Variants in UNC13B observed in about 807,000 individuals in gnomAD.
UNC13B encodes protein unc-13 homolog B.
Under a neutral mutation model 211.0 loss-of-function variants are expected in UNC13B, and 144 were observed. The observed-to-expected ratio is 0.68, with a 90% confidence interval of 0.60 to 0.78. UNC13B has a LOEUF of 0.78. Ranked by LOEUF, UNC13B falls within the 30% of genes least tolerant of loss-of-function variation. The pLI, the probability that UNC13B is intolerant of heterozygous loss-of-function variation, is 0.00. For synonymous variants in UNC13B, 709 were observed against 725.8 expected (o/e 0.98, Z 0.37); for missense variants, 1,777 against 2,002.0 (o/e 0.89, Z 2.14).
chr9:35,163,679 T>G (rs796441495), intron 1 of UNC13B, among the ~76,000 whole-genome samples: 11 of 152,354 alleles, frequency 7.2e-5, no homozygotes, highest in African/African-American at 2.4e-4. Context: ...TATGAAAGAC[T>G]CTTTAGGCAG....
At chr9:35,351,215 T>A (rs1832698302) in intron 11 of UNC13B, 11 of 894,528 alleles carry the variant, frequency 1.2e-5, no homozygotes, top group Non-Finnish European at 1.5e-5. Flanking sequence ...ATGTTTTTAT[T>A]CCTGCTTGAC....
chr9:35,170,163 T>G (rs1022226696), intron 1 of UNC13B, among the ~76,000 whole-genome samples: 3 of 148,298 alleles, frequency 2.0e-5, no homozygotes, highest in Non-Finnish European at 3.0e-5. Context: ...ATTATTACTG[T>G]TTTTTTTTTG....
At chr9:35,297,547 C>CTTTT (rs774525517) in intron 8 of UNC13B, among the ~76,000 whole-genome samples, 2,077 of 100,810 alleles carry the variant, frequency 0.021, 239 homozygotes, top group African/African-American at 0.079. Context: ...CATACTTTGT[C>CTTTT]TTTTTTTTTT....
chr9:35,224,399 G>A (rs1431154746), intron 1 of UNC13B, among the ~76,000 whole-genome samples: 2 of 152,186 alleles, frequency 1.3e-5, no homozygotes, highest in Middle Eastern at 3.4e-3. Context: ...AATATTTTTT[G>A]TAGTAATTGT....
intron 6 of UNC13B, among the ~76,000 whole-genome samples, chr9:35,246,248 T>C (rs1256745923): frequency 2.0e-5 from 3 of 152,174 alleles, no homozygotes; most frequent in Non-Finnish European, 4.4e-5. Flanking sequence ...TTCTGGATAT[T>C]AGCCCTTTGT....
At chr9:35,342,714 A>G (rs1832081714) in intron 11 of UNC13B, among the ~76,000 whole-genome samples, 2 of 152,182 alleles carry the variant, frequency 1.3e-5, no homozygotes, top group African/African-American at 4.8e-5. Flanking sequence ...GCATGTGCAT[A>G]TGTATAGACA....
At chr9:35,179,488 C>T (rs1821816640) in intron 1 of UNC13B, among the ~76,000 whole-genome samples, 1 of 152,104 alleles carries the variant, frequency 6.6e-6, no homozygotes, top group African/African-American at 2.4e-5. Context: ...AGTTTCTTAA[C>T]TTCACTAAGA....
chr9:35,265,250 A>C (rs1827501698), intron 7 of UNC13B, among the ~76,000 whole-genome samples: 1 of 152,174 alleles, frequency 6.6e-6, no homozygotes, highest in Admixed American at 6.5e-5. Flanking sequence ...GGAAGTGATA[A>C]AAGTTAAATG....
At chr9:35,174,255 T>C (rs1183327095) in intron 1 of UNC13B, among the ~76,000 whole-genome samples, 3 of 151,782 alleles carry the variant, frequency 2.0e-5, no homozygotes, top group African/African-American at 7.3e-5. Context: ...CTTCCAGGGC[T>C]CAGGTGATTC....
At chr9:35,362,575 C>T (rs1018320269) in intron 11 of UNC13B, among the ~76,000 whole-genome samples, 1 of 151,970 alleles carries the variant, frequency 6.6e-6, no homozygotes. Flanking sequence ...TTTGGGAGGC[C>T]GAGGTGGGCG....
intron 7 of UNC13B, among the ~76,000 whole-genome samples, chr9:35,265,665 C>T (rs1211342823): frequency 6.6e-6 from 1 of 152,018 alleles, no homozygotes; most frequent in Non-Finnish European, 1.5e-5. Flanking sequence ...TGGCCAGGCA[C>T]AGTGGCTCAT....
chr9:35,237,221 T>C (rs1825562039), intron 4 of UNC13B, among the ~76,000 whole-genome samples: 1 of 152,078 alleles, frequency 6.6e-6, no homozygotes, highest in South Asian at 2.1e-4. Context: ...GGACCATGAG[T>C]TTTCTCTGGG....
chr9:35,204,088 G>C (rs1823496771), intron 1 of UNC13B, among the ~76,000 whole-genome samples: 1 of 152,358 alleles, frequency 6.6e-6, no homozygotes, highest in East Asian at 1.9e-4. Context: ...TCTAGCACCA[G>C]CTGGGCTCAG....
intron 1 of UNC13B, among the ~76,000 whole-genome samples, chr9:35,219,156 A>G (rs1391055205): frequency 3.9e-5 from 6 of 152,218 alleles, no homozygotes; most frequent in African/African-American, 1.4e-4. Context: ...TCTATAGAAC[A>G]AATATATTTA....
intron 7 of UNC13B, among the ~76,000 whole-genome samples, chr9:35,294,126 C>T (rs963692615): frequency 1.3e-5 from 2 of 152,038 alleles, no homozygotes; most frequent in African/African-American, 4.8e-5. Flanking sequence ...GGGGTCATTT[C>T]CCTATTATCT....
chr9:35,240,220 G>C (rs574867989), intron 5 of UNC13B, among the ~76,000 whole-genome samples: 2 of 152,264 alleles, frequency 1.3e-5, no homozygotes, highest in African/African-American at 2.4e-5. Context: ...CTGTCCCTCT[G>C]TTCAGGGTCC....
chr9:35,328,877 CCTGCCTCAGCCTCCCGAGTAG>C (rs765657253), intron 11 of UNC13B, among the ~76,000 whole-genome samples: 36 of 151,894 alleles, frequency 2.4e-4, no homozygotes, highest in Non-Finnish European at 4.4e-4. Flanking sequence ...ACGCCATTCT[CCTGCCTCAGCCTCCCGAGTAG>C]CTGGGACTAC....
chr9:35,397,399 G>A lies in UNC13B; in HGVS notation c.11676+89G>A, dbSNP rs1835956073. On this transcript the variant is annotated intron_variant, in intron 29 of 39. Transcript: ENST00000635942. ...CCTGAGCTCAGCACCTCTCCACTGT[G>A]GCCTCCTGGTAAAGCTCGTGTGACC... 20 of 1,562,740 alleles carry A rather than the reference G, an allele frequency of 1.3e-5. No homozygotes were observed. The South Asian group carries it at 2.3e-4, about 18-fold the overall frequency.
At position 35,370,368 on chromosome 9, in the gene UNC13B, A is replaced by G; in HGVS notation, c.9512A>G (p.Lys3171Arg). ...GIDSMPDLRR[K>R]KPLPLVSDLS... ...GACAGCATGCCAGATTTACGCAGAA[A>G]GAAGCCACTGCCACTTGTCAGTGAT... Residue 3171 changes from lysine to arginine, a missense_variant, in exon 13 of 40, where the codon AAG (lysine) becomes AGG (arginine). By Grantham distance (26) the Lys-to-Arg change is conservative (BLOSUM62 2). Transcript: ENST00000635942. The G allele has an allele frequency of 6.2e-7, 1 of 1,614,020 alleles. No individual in the cohort carries two copies. The highest frequency in any genetic ancestry group is 2.2e-5 in the East Asian group (1 of 44,878).
Sources: gnomAD v4.1 joint callset for allele counts (sites outside exome capture counted in the v4.1 genomes callset) on GRCh38, gnomAD v4.1.1 for gene constraint, MANE v1.5 for transcripts, NCBI Gene and HGNC (gene_info 2026-07-23, HGNC 2026-07-21) for gene names.